Variants in AMOTL1 observed in about 807,000 individuals in gnomAD.
The protein encoded by AMOTL1 is angiomotin-like protein 1.
In AMOTL1, 45 loss-of-function variants were observed where a neutral mutation model predicts 102.9. That is an observed-to-expected ratio of 0.44 (90% confidence interval 0.34 to 0.56). The LOEUF is 0.56. AMOTL1 is among the 20% of genes least tolerant of loss of function. The probability of loss-of-function intolerance (pLI) is 0.01; values close to 1 mark genes in which losing one functional copy is unlikely to be tolerated. For synonymous variants in AMOTL1, 481 were observed against 484.7 expected (o/e 0.99, Z 0.10); for missense variants, 1,114 against 1,225.6 (o/e 0.91, Z 1.36).
intron 3 of AMOTL1, among the ~76,000 whole-genome samples, chr11:94,806,631 A>T (rs1028022846): frequency 6.6e-6 from 1 of 152,194 alleles, no homozygotes; most frequent in African/African-American, 2.4e-5. Context: ...GGCTGGATGA[A>T]GGAAATAAAA....
intron 6 of AMOTL1, among the ~76,000 whole-genome samples, chr11:94,832,880 G>C (rs1952102435): frequency 6.6e-6 from 1 of 152,208 alleles, no homozygotes; most frequent in Admixed American, 6.5e-5. Flanking sequence ...GACATAATTT[G>C]ATTACTTAGT....
intron 3 of AMOTL1, among the ~76,000 whole-genome samples, chr11:94,811,895 A>C (rs1951690354): frequency 6.6e-6 from 1 of 152,124 alleles, no homozygotes; most frequent in South Asian, 2.1e-4. Context: ...CAGGAAAAAA[A>C]CTCTAACTTG....
rs1952945349 is a variant in AMOTL1 at position 94,869,285 on chromosome 11, C to T, written c.2576C>T (p.Ser859Phe). The T allele has an allele frequency of 6.2e-7, 1 of 1,613,014 alleles. No homozygotes were observed. The highest frequency in any genetic ancestry group is 8.5e-7 in the Non-Finnish European group (1 of 1,179,632). Residue 859 changes from serine (S) to phenylalanine (F), a missense_variant, in exon 12 of 13, where the codon TCC (serine) becomes TTC (phenylalanine). Physicochemically the swap from Ser to Phe is radical, Grantham distance 155. Transcript: ENST00000433060. Reference sequence around the variant, plus strand: ...ACCTCAGCACTGTCCTCCATAGCCTCCACTACGGCAGCCAGCAGTGCCCAC... The same window carrying T: ...ACCTCAGCACTGTCCTCCATAGCCTTCACTACGGCAGCCAGCAGTGCCCAC... ...PPTSALSSIASTTAASSAHAK... is the reference protein window; with the variant it reads ...PPTSALSSIAFTTAASSAHAK...
chr11:94,870,031 T>G (rs1175711058), intron 12 of AMOTL1, among the ~76,000 whole-genome samples: 3 of 152,192 alleles, frequency 2.0e-5, no homozygotes, highest in African/African-American at 7.2e-5. Context: ...TCCCTAAGTG[T>G]CCTGGGTAAG....
In AMOTL1 at chr11:94,872,404, A is replaced by C. The variant is rs190460628; in HGVS notation, c.*1609A>C. Reference sequence around the variant, plus strand: ...CTTAGAGGAAGAAAGAAAGGGGGGTACCTCTTCCAAGTACCTTCTAAATGA... The same window carrying C: ...CTTAGAGGAAGAAAGAAAGGGGGGTCCCTCTTCCAAGTACCTTCTAAATGA... On this transcript the variant is annotated 3_prime_UTR_variant, in exon 13 of 13. Transcript: ENST00000433060. 2.5e-4 allele frequency: 38 copies of C among 152,338 alleles called. No homozygotes were observed. Among genetic ancestry groups the C allele is most frequent in the African/African-American group, 8.9e-4 (37 of 41,568 alleles). 9.4% of individuals were successfully genotyped at this position (152,338 alleles called of 1,614,324 possible). A position where few individuals can be genotyped will look rare whatever the true frequency, so the allele number is the denominator to read the frequency against.
intron 8 of AMOTL1, 88 bp downstream of exon 8, chr11:94,854,170 C>T (rs544779342): frequency 4.4e-5 from 62 of 1,411,464 alleles, no homozygotes; most frequent in Non-Finnish European, 5.7e-5. Flanking sequence ...AGATCCTGCA[C>T]CTTGCTCCCA....
intron 3 of AMOTL1, among the ~76,000 whole-genome samples, chr11:94,763,073 C>A (rs562055159): frequency 6.6e-6 from 1 of 152,310 alleles, no homozygotes; most frequent in African/African-American, 2.4e-5. Context: ...GCAGGGTGTT[C>A]AAATGATCTC....
chr11:94,715,309 C>T (rs142652616), intron 1 of AMOTL1, among the ~76,000 whole-genome samples: 53 of 152,040 alleles, frequency 3.5e-4, no homozygotes, highest in African/African-American at 1.1e-3. Flanking sequence ...ATGAATATTC[C>T]ATGGATGCCA....
At chr11:94,789,503 G>T (rs1385111325) in intron 1 of AMOTL1, among the ~76,000 whole-genome samples, 1 of 152,196 alleles carries the variant, frequency 6.6e-6, no homozygotes, top group Non-Finnish European at 1.5e-5. Flanking sequence ...GTGTTTGGAG[G>T]AGGCACTGCT....
At chr11:94,786,727 G>A (rs868156189) in intron 1 of AMOTL1, among the ~76,000 whole-genome samples, 3 of 151,964 alleles carry the variant, frequency 2.0e-5, no homozygotes, top group East Asian at 1.9e-4. Context: ...CTTTTTCCCC[G>A]CAACAGCTTT....
upstream of AMOTL1, among the ~76,000 whole-genome samples, chr11:94,766,359 A>G (rs1260491788): frequency 6.6e-6 from 1 of 152,122 alleles, no homozygotes; most frequent in African/African-American, 2.4e-5. Flanking sequence ...GTGAGATGCT[A>G]TTTTCTTCAT....
chr11:94,840,673 TATATATATAC>T (rs1301852064), intron 6 of AMOTL1, among the ~76,000 whole-genome samples: 3 of 128,358 alleles, frequency 2.3e-5, no homozygotes, highest in African/African-American at 6.0e-5. Flanking sequence ...TATATATATA[TATATATATAC>T]ACACACACAC....
chr11:94,857,917 G>A (rs1441789580), intron 8 of AMOTL1, among the ~76,000 whole-genome samples: 2 of 152,040 alleles, frequency 1.3e-5, no homozygotes, highest in Admixed American at 6.6e-5. Flanking sequence ...TGTTTTTCTC[G>A]GTAGCACACT....
At chr11:94,775,149 G>A (rs541130189) in intron 1 of AMOTL1, among the ~76,000 whole-genome samples, 2 of 152,330 alleles carry the variant, frequency 1.3e-5, no homozygotes, top group African/African-American at 4.8e-5. Context: ...GTGTAAAATA[G>A]TTTTCTTAAA....
intron 4 of AMOTL1, among the ~76,000 whole-genome samples, chr11:94,826,319 A>T (rs1009392901): frequency 2.0e-5 from 3 of 152,154 alleles, no homozygotes; most frequent in Admixed American, 2.0e-4. Context: ...CCCTGCATCT[A>T]TTTAACTTCC....
chr11:94,724,486 G>A (rs895897625), intron 1 of AMOTL1, among the ~76,000 whole-genome samples: 1 of 152,254 alleles, frequency 6.6e-6, no homozygotes, highest in East Asian at 1.9e-4. Flanking sequence ...AGCATATACT[G>A]GAAAGTCATG....
rs201958347 is a variant in AMOTL1, at chr11:94,769,257, G to GT, written c.49+703dup. The stretch of plus-strand genomic sequence containing the variant: ...AAATTTAAACTTTCCAAATGGAACT[G>GT]TTTTTTCTTGGAATGTGACATTTGT... On this transcript the variant is annotated intron_variant, in intron 1 of 12. Transcript: ENST00000433060. Among the ~76,000 whole-genome samples, 1,219 of 152,342 alleles carry GT rather than the reference G, an allele frequency of 8.0e-3. 18 individuals are homozygous for GT. The highest frequency in any genetic ancestry group is 0.028 in the African/African-American group (1,160 of 41,576).
At chr11:94,761,828 G>A (rs926574531) in intron 3 of AMOTL1, among the ~76,000 whole-genome samples, 3 of 152,202 alleles carry the variant, frequency 2.0e-5, no homozygotes, top group African/African-American at 7.2e-5. Flanking sequence ...TGTAAGACCT[G>A]TTGGTCTGTA....
At position 94,757,453 on chromosome 11, in the gene AMOTL1, G is replaced by A. The variant is rs1234789404; in HGVS notation, c.136+16465G>A. Among the ~76,000 whole-genome samples, 3 of 152,154 alleles carry A rather than the reference G, an allele frequency of 2.0e-5. No individual in the cohort carries two copies. In the East Asian group the frequency reaches 5.8e-4, roughly 29 times the overall value. On this transcript the variant is annotated intron_variant, in intron 3 of 4. Coordinates refer to the AMOTL1 transcript ENST00000299004. ...GATTCCAGGCCCATCTGGCTGCTAA[G>A]TCTGTGTTTTAAAATCTGTAACTGC... is the stretch of plus-strand genomic sequence containing the variant.
Sources: gnomAD v4.1 joint callset for allele counts (sites outside exome capture counted in the v4.1 genomes callset) on GRCh38, gnomAD v4.1.1 for gene constraint, MANE v1.5 for transcripts, NCBI Gene and HGNC (gene_info 2026-07-23, HGNC 2026-07-21) for gene names.